Variants in UBE2QL1 observed in about 807,000 individuals in gnomAD.
UBE2QL1 encodes the protein ubiquitin-conjugating enzyme E2Q-like protein 1.
UBE2QL1 carries 5 observed loss-of-function variants against 12.6 expected under a neutral mutation model. The observed-to-expected ratio is 0.40, with a 90% CI of 0.21 to 0.83. The LOEUF (loss-of-function observed/expected upper bound fraction) is 0.83, where lower values mean the gene tolerates loss of function less well. UBE2QL1 is among the 40% of genes least tolerant of loss of function. UBE2QL1 has a pLI of 0.37. For missense variants in UBE2QL1, 99 were observed against 222.6 expected, an observed-to-expected ratio of 0.44 and a Z score of 3.53; for synonymous variants, 96 against 94.5, an observed-to-expected ratio of 1.02 and a Z score of -0.10.
intron 1 of UBE2QL1, among the ~76,000 whole-genome samples, chr5:6,490,604 C>T (rs1232668309): frequency 1.3e-5 from 2 of 152,182 alleles, no homozygotes; most frequent in African/African-American, 2.4e-5. Context: ...AAAATGTCCA[C>T]CGTCACCTCA....
At chr5:6,484,395 C>T (rs1370302822) in intron 1 of UBE2QL1, among the ~76,000 whole-genome samples, 1 of 152,152 alleles carries the variant, frequency 6.6e-6, no homozygotes. Context: ...GGTCTTGCCC[C>T]TCATGGCACC....
In UBE2QL1 at chr5:6,479,151, G is replaced by A. The variant is rs1348222466; in HGVS notation, c.355-12067G>A. On this transcript the variant is annotated intron_variant, in intron 1 of 1. Coordinates refer to ENST00000399816, the MANE Select transcript of UBE2QL1 (RefSeq NM_001145161.3). The surrounding 1 kb of genome is among the most constrained non-coding windows in gnomAD (Gnocchi z 4.2). ...ACAGCACGGGAGGCCACAGAGCTGA[G>A]TGAGCAGAGTCCCACCTGCCGGAAC... Among the ~76,000 whole-genome samples, 3 of 152,126 alleles carry A rather than the reference G, an allele frequency of 2.0e-5. No individual in the cohort carries two copies. Among genetic ancestry groups the A allele is most frequent in the African/African-American group, 7.2e-5 (3 of 41,412 alleles).
chr5:6,494,792 A>G lies in UBE2QL1; in HGVS notation c.*3443A>G, dbSNP rs772016387. 3.9e-5 allele frequency: 6 copies of G among 152,206 alleles called. No individual in the cohort carries two copies. The East Asian group carries it at 7.7e-4, about 20-fold the overall frequency. The allele number at this position is 152,206 out of a possible 1,614,324, so 9.4% of individuals were successfully genotyped here. On this transcript the variant is annotated 3_prime_UTR_variant, in exon 2 of 2. Transcript: ENST00000399816. The stretch of plus-strand genomic sequence containing the variant: ...CCCAGTTCTTACATTAAGTCAACCA[A>G]CTGACCCAAAAATCAACCAATAACT...
rs1288280223 is a variant in UBE2QL1, at chr5:6,496,664, A to T, written c.*5315A>T. 1.3e-5 allele frequency among the ~76,000 whole-genome samples: 2 copies of T among 152,222 alleles called. No individual in the cohort carries two copies. The highest frequency in any genetic ancestry group is 2.1e-4 in the South Asian group (1 of 4,836). The stretch of plus-strand genomic sequence containing the variant: ...TCTAGAGGCACTGCCCTAATGAGAA[A>T]AAAAAAACAATGATTCTAGAAAATA... On this transcript the variant is annotated 3_prime_UTR_variant, in exon 2 of 2. Transcript: ENST00000399816.
intron 1 of UBE2QL1, among the ~76,000 whole-genome samples, chr5:6,458,195 T>C (rs1015957859): frequency 3.3e-5 from 5 of 152,222 alleles, no homozygotes; most frequent in African/African-American, 1.2e-4. Context: ...CTTAAAATAA[T>C]TTCTCTAAAA....
chr5:6,485,307 G>A (rs931990813), intron 1 of UBE2QL1, among the ~76,000 whole-genome samples: 3 of 152,204 alleles, frequency 2.0e-5, no homozygotes, highest in Non-Finnish European at 2.9e-5. Flanking sequence ...ATTTGGGAAT[G>A]TGTTTCTTAG....
chr5:6,461,212 T>A (rs1739650953), intron 1 of UBE2QL1, among the ~76,000 whole-genome samples: 1 of 152,216 alleles, frequency 6.6e-6, no homozygotes, highest in Admixed American at 6.5e-5. Context: ...AACAGTGGAA[T>A]ACCAATGCCT....
intron 1 of UBE2QL1, among the ~76,000 whole-genome samples, chr5:6,454,667 G>A (rs1014285426): frequency 3.5e-4 from 54 of 152,266 alleles, no homozygotes; most frequent in African/African-American, 1.2e-3. Context: ...AATGTTGCCC[G>A]CAGCTTTGAG....
chr5:6,460,118 T>C (rs1739620472), intron 1 of UBE2QL1, among the ~76,000 whole-genome samples: 1 of 152,150 alleles, frequency 6.6e-6, no homozygotes, highest in Non-Finnish European at 1.5e-5. Context: ...GGGATAAAGC[T>C]GGAGATCTGC....
Position 6,476,734 on chromosome 5 carries a change from A to G in UBE2QL1, c.355-14484A>G, listed in dbSNP as rs566301442. On this transcript the variant is annotated intron_variant, in intron 1 of 1. Coordinates refer to ENST00000399816, the MANE Select transcript of UBE2QL1 (RefSeq NM_001145161.3). This position sits in a 1 kb window ranked among gnomAD's most constrained non-coding sequence, Gnocchi z 4.9. ...GTGACCTTTGGTCGTATCACATGAG[A>G]GATGCCCACTTGCTAATTAATGGGT... Among the ~76,000 whole-genome samples the G allele has an allele frequency of 6.6e-6, 1 of 152,272 alleles. No homozygotes were observed. Among genetic ancestry groups the G allele is most frequent in the South Asian group, 2.1e-4 (1 of 4,828 alleles).
rs1445918908 is a variant in UBE2QL1 at position 6,492,912 on chromosome 5, T to A, written c.*1563T>A. 6.6e-6 allele frequency: 1 copy of A among 152,256 alleles called. No individual in the cohort carries two copies. The highest frequency in any genetic ancestry group is 1.5e-5 in the Non-Finnish European group (1 of 68,046). 9.4% of individuals were successfully genotyped at this position (152,256 alleles called of 1,614,324 possible). On this transcript the variant is annotated 3_prime_UTR_variant, in exon 2 of 2. Transcript: ENST00000399816. ...AATTCTTCAGGCAGTTTTGTCTACT[T>A]GGGGACCTGCCCATTGGTTCAAGGT...
chr5:6,483,378 G>A (rs1172637544), intron 1 of UBE2QL1, among the ~76,000 whole-genome samples: 1 of 152,090 alleles, frequency 6.6e-6, no homozygotes, highest in Non-Finnish European at 1.5e-5. Flanking sequence ...GGCGGAGGTT[G>A]CAGTGAGCCA....
At chr5:6,465,786 C>A (rs1055969248) in intron 1 of UBE2QL1, among the ~76,000 whole-genome samples, 1 of 152,222 alleles carries the variant, frequency 6.6e-6, no homozygotes, top group Non-Finnish European at 1.5e-5. Flanking sequence ...CGGAGGCCAG[C>A]TCCAGGGCGC....
At position 6,478,913 on chromosome 5, in the gene UBE2QL1, C is replaced by T. The variant is rs531168258; in HGVS notation, c.355-12305C>T. On this transcript the variant is annotated intron_variant, in intron 1 of 1. Coordinates refer to ENST00000399816, the MANE Select transcript of UBE2QL1 (RefSeq NM_001145161.3). The surrounding 1 kb of genome is among the most constrained non-coding windows in gnomAD (Gnocchi z 4.5). ...GTGCCCATCGGTGCATCTGATCTCC[C>T]TGGCACCCCTCCACTCCCCTCTGCT... Among the ~76,000 whole-genome samples, 2 of 152,252 alleles carry T rather than the reference C, an allele frequency of 1.3e-5. No individual in the cohort carries two copies. Among genetic ancestry groups the T allele is most frequent in the Admixed American group, 6.5e-5 (1 of 15,290 alleles).
rs990558295 is a variant in UBE2QL1, at chr5:6,492,712, A to C, written c.*1363A>C. ...ACATGTAATTCCAGAGCAGCGTTCT[A>C]AGTCAGGTACCAGAAATGAGTCTTA... On this transcript the variant is annotated 3_prime_UTR_variant, in exon 2 of 2. Transcript: ENST00000399816. 3.3e-5 allele frequency: 5 copies of C among 152,266 alleles called. No homozygotes were observed. Among genetic ancestry groups the C allele is most frequent in the African/African-American group, 1.2e-4 (5 of 41,476 alleles). 9.4% of individuals were successfully genotyped at this position (152,266 alleles called of 1,614,324 possible). A position where few individuals can be genotyped will look rare whatever the true frequency, so the allele number is the denominator to read the frequency against.
intron 1 of UBE2QL1, among the ~76,000 whole-genome samples, chr5:6,463,616 A>G (rs1739721374): frequency 2.0e-5 from 3 of 146,394 alleles, no homozygotes; most frequent in Non-Finnish European, 4.5e-5. Context: ...TATTATTATT[A>G]TTATTATTAT....
At chr5:6,455,278 C>T (rs961017237) in intron 1 of UBE2QL1, among the ~76,000 whole-genome samples, 4 of 152,076 alleles carry the variant, frequency 2.6e-5, no homozygotes, top group African/African-American at 9.7e-5. Context: ...CCCTTCTCAT[C>T]GTCAGGAAGA....
chr5:6,481,268 G>A lies in UBE2QL1; in HGVS notation c.355-9950G>A, dbSNP rs569519549. On this transcript the variant is annotated intron_variant, in intron 1 of 1. Coordinates refer to ENST00000399816, the MANE Select transcript of UBE2QL1 (RefSeq NM_001145161.3). The surrounding 1 kb of genome is among the most constrained non-coding windows in gnomAD (Gnocchi z 4.5). ...CCAGGACCCCACAGCCTGCTCCTAA[G>A]ACAGCGTCTCTCTCTGCAGGCCTGG... Among the ~76,000 whole-genome samples, 24 of 152,282 alleles carry A rather than the reference G, an allele frequency of 1.6e-4. No individual in the cohort carries two copies. The highest frequency in any genetic ancestry group is 6.5e-4 in the Admixed American group (10 of 15,290).
intron 1 of UBE2QL1, among the ~76,000 whole-genome samples, chr5:6,466,187 C>T (rs569643999): frequency 5.3e-5 from 8 of 152,322 alleles, no homozygotes; most frequent in Non-Finnish European, 1.0e-4. Context: ...CCACTTCTTC[C>T]CCTCCCTGTT....
Sources: gnomAD v4.1 joint callset for allele counts (sites outside exome capture counted in the v4.1 genomes callset) on GRCh38, gnomAD v4.1.1 for gene constraint, Gnocchi (gnomAD v3.1) non-coding constraint, MANE v1.5 for transcripts, NCBI Gene and HGNC (gene_info 2026-07-23, HGNC 2026-07-21) for gene names.